Variants in CIZ1 observed in about 807,000 individuals in gnomAD.
The protein encoded by CIZ1 is CDKN1A interacting zinc finger protein 1.
In CIZ1, 58 loss-of-function variants were observed where a neutral mutation model predicts 118.6. The observed-to-expected ratio is 0.49, with a 90% CI of 0.40 to 0.61. The LOEUF (loss-of-function observed/expected upper bound fraction) is 0.61. CIZ1 is among the 20% of genes least tolerant of loss of function. CIZ1 has a pLI of 0.00. For missense variants in CIZ1, 921 were observed against 1,115.9 expected (o/e 0.83, Z 2.49); for synonymous variants, 448 against 443.4 (o/e 1.01, Z -0.13).
intron 1 of CIZ1, among the ~76,000 whole-genome samples, chr9:128,201,411 C>G (rs532221314): frequency 1.3e-5 from 2 of 152,346 alleles, no homozygotes; most frequent in Non-Finnish European, 2.9e-5. Flanking sequence ...GATCATGCCA[C>G]TGCACTCCAG....
At chr9:128,196,363 T>C (rs948581434), upstream of CIZ1, among the ~76,000 whole-genome samples, 3 of 151,798 alleles carry the variant, frequency 2.0e-5, no homozygotes, top group Non-Finnish European at 4.4e-5. Flanking sequence ...GGCTGGACAA[T>C]ATAGGGAGAT....
At chr9:128,175,568 C>A (rs1199606141) in intron 11 of CIZ1, among the ~76,000 whole-genome samples, 2 of 152,152 alleles carry the variant, frequency 1.3e-5, no homozygotes, top group African/African-American at 4.8e-5. Context: ...AAAATTAGGA[C>A]AGAGCCCGTG....
intron 11 of CIZ1, among the ~76,000 whole-genome samples, chr9:128,171,732 G>A (rs139250729): frequency 0.02 from 2,979 of 151,904 alleles, 89 homozygotes; most frequent in African/African-American, 0.067. Context: ...GCAAGACTCC[G>A]TCTCAGAAAA....
At chr9:128,168,516 GA>G (rs1212616082) in intron 14 of CIZ1, among the ~76,000 whole-genome samples, 8 of 93,468 alleles carry the variant, frequency 8.6e-5, no homozygotes, top group Admixed American at 1.2e-4. Flanking sequence ...ACTCCGTCTT[GA>G]AAAAAAAAAA....
intron 6 of CIZ1, 81 bp downstream of exon 6, chr9:128,180,640 T>G (rs1039902113): frequency 4.6e-5 from 63 of 1,356,408 alleles, no homozygotes; most frequent in Non-Finnish European, 6.1e-5. Flanking sequence ...CTCCCACACC[T>G]GCCTCTATCA....
At position 128,203,368 on chromosome 9, in the gene CIZ1, G is replaced by A; in HGVS notation, c.-6+818C>T. 1 of 1,151,642 alleles carries A rather than the reference G, an allele frequency of 8.7e-7. No individual in the cohort carries two copies. The highest frequency in any genetic ancestry group is 1.1e-6 in the Non-Finnish European group (1 of 910,662). 71.3% of individuals were successfully genotyped at this position (1,151,642 alleles called of 1,614,324 possible). On this transcript the variant is annotated intron_variant, in intron 1 of 17. Transcript: ENST00000372948. This position sits in a 1 kb window ranked among gnomAD's most constrained non-coding sequence, Gnocchi z 5.3. ...CCGATCCCCGAGGGGCGGGGGCCCC[G>A]CGGCGCAGGCAGTCTGGGCGCGCGG...
At chr9:128,169,261 T>TAC in intron 13 of CIZ1, 60 bp from the exon 14 acceptor site, 1 of 1,099,818 alleles carries the variant, frequency 9.1e-7, no homozygotes, top group East Asian at 4.1e-5. Context: ...GGCCATGCCC[T>TAC]ACCCACCCCA....
chr9:128,174,400 C>G (rs920773350), intron 11 of CIZ1, among the ~76,000 whole-genome samples: 2 of 152,170 alleles, frequency 1.3e-5, no homozygotes, highest in African/African-American at 4.8e-5. Flanking sequence ...GCTGTGGGTA[C>G]CTGGTGCCCA....
rs779920513 is a variant in CIZ1 at position 128,167,173 on chromosome 9, A to G, written c.2296-9T>C. 2 of 1,570,444 alleles carry G rather than the reference A, an allele frequency of 1.3e-6. No individual in the cohort carries two copies. The highest frequency in any genetic ancestry group is 1.7e-6 in the Non-Finnish European group (2 of 1,157,376). ...ATATCTCTGGACCTCACCTGAAAAC[A>G]TGCAAGTGTGGGCCTCGGATCTGGC... On this transcript the variant is annotated splice_polypyrimidine_tract_variant and intron_variant, in intron 14 of 16. Transcript: ENST00000372938.
chr9:128,195,951 T>C (rs1319279466), upstream of CIZ1, among the ~76,000 whole-genome samples: 1 of 152,136 alleles, frequency 6.6e-6, no homozygotes, highest in Non-Finnish European at 1.5e-5. Flanking sequence ...CTGCACCCGC[T>C]GCCTCCTGGG....
At chr9:128,202,449 G>A (rs45543333) in intron 1 of CIZ1, among the ~76,000 whole-genome samples, 7 of 152,282 alleles carry the variant, frequency 4.6e-5, no homozygotes, top group Admixed American at 4.6e-4. Context: ...CATCCTGATG[G>A]GTTGGAGCAA....
In CIZ1 at chr9:128,166,336, C is replaced by A; in HGVS notation, c.2558G>T (p.Arg853Leu). Residue 853 changes from arginine (R) to leucine (L), a missense_variant, in exon 17 of 17, where the codon CGG (arginine) becomes CTG (leucine). By Grantham distance (102) the Arg-to-Leu change is moderately radical. Transcript: ENST00000372938. The surrounding 1 kb of genome is among the most constrained non-coding windows in gnomAD (Gnocchi z 4.4). Reference protein sequence around the residue: ...PVSRRCAINARNALTALFTSS... With the variant: ...PVSRRCAINALNALTALFTSS... ...GGTGAACAGGGCTGTCAAAGCGTTC[C>A]GGGCGTTGATTGCGCACCGGCGGCT... 1 of 1,565,652 alleles carries A rather than the reference C, an allele frequency of 6.4e-7. No individual in the cohort carries two copies. Among genetic ancestry groups the A allele is most frequent in the Non-Finnish European group, 8.7e-7 (1 of 1,154,700 alleles).
chr9:128,186,939 CTTT>C (rs549888043), intron 4 of CIZ1, among the ~76,000 whole-genome samples: 24 of 134,430 alleles, frequency 1.8e-4, no homozygotes, highest in Admixed American at 6.0e-4. Flanking sequence ...TCCTTGTCTG[CTTT>C]TTTTTTTTTT....
Position 128,190,747 on chromosome 9 carries a change from C to A in CIZ1, c.111G>T (p.Gln37His). Residue 37 changes from glutamine (Q) to histidine (H), a missense_variant, in exon 2 of 17, where the codon CAG becomes CAT. Gln to His is a conservative substitution (Grantham distance 24). Transcript: ENST00000372938. ...GGGACTGCTGGAGCAGCTGCTGGAG[C>A]TGCAGTAACTGCTGCTGCTGCAATT... is the stretch of plus-strand genomic sequence containing the variant. ...QQQLQQQQLL[Q>H]LQQLLQQSPP... 6.5e-7 allele frequency: 1 copy of A among 1,546,872 alleles called. No homozygotes were observed.
Position 128,203,665 on chromosome 9 carries a change from G to C in CIZ1, c.-6+521C>G, listed in dbSNP as rs1430980579. On this transcript the variant is annotated intron_variant, in intron 1 of 17. Coordinates refer to the CIZ1 transcript ENST00000372948. The surrounding 1 kb of genome is among the most constrained non-coding windows in gnomAD (Gnocchi z 5.3). Reference sequence around the variant, plus strand: ...GGCGCGCCCCCAGGCGCCGACCCCCGACCCCCGGGATCCCTGGAGTCCCCG... The same window carrying C: ...GGCGCGCCCCCAGGCGCCGACCCCCCACCCCCGGGATCCCTGGAGTCCCCG... 1 of 1,483,946 alleles carries C rather than the reference G, an allele frequency of 6.7e-7. No homozygotes were observed. Among genetic ancestry groups the C allele is most frequent in the Non-Finnish European group, 8.9e-7 (1 of 1,123,834 alleles). 91.9% of individuals were successfully genotyped at this position (1,483,946 alleles called of 1,614,324 possible).
chr9:128,172,072 A>G (rs141677516), intron 11 of CIZ1, among the ~76,000 whole-genome samples: 112 of 142,722 alleles, frequency 7.8e-4, no homozygotes, highest in African/African-American at 2.6e-3. Flanking sequence ...CCTTGAGCTC[A>G]GGAGTTCTGA....
chr9:128,183,829 G>A (rs1179958866), intron 5 of CIZ1, among the ~76,000 whole-genome samples: 10 of 152,108 alleles, frequency 6.6e-5, no homozygotes, highest in African/African-American at 1.4e-4. Context: ...GCAATGGCAC[G>A]ATCTTGGCTC....
chr9:128,184,494 T>TTC (rs1832100034), intron 5 of CIZ1, among the ~76,000 whole-genome samples: 1 of 147,062 alleles, frequency 6.8e-6, no homozygotes, highest in South Asian at 2.2e-4. Context: ...TGCTGATTTT[T>TTC]TTTTTTTTTT....
chr9:128,180,554 T>C (rs1238747771), intron 6 of CIZ1, 31 bp from the exon 7 acceptor site: 4 of 1,582,174 alleles, frequency 2.5e-6, no homozygotes, highest in African/African-American at 1.3e-5. Context: ...AGGGAACTCA[T>C]GTTGGGAAGA....
Sources: allele counts gnomAD v4.1 joint callset (sites outside exome capture counted in the v4.1 genomes callset), GRCh38; gene constraint gnomAD v4.1.1; non-coding constraint Gnocchi (gnomAD v3.1); transcripts MANE v1.5; gene names NCBI Gene and HGNC (gene_info 2026-07-23, HGNC 2026-07-21).